Variants in OR4C16 observed in about 807,000 individuals in gnomAD.
The protein encoded by OR4C16 is olfactory receptor family 4 subfamily C member 16.
A neutral mutation model predicts 14.4 loss-of-function variants in OR4C16; 24 were observed. The observed-to-expected ratio is 1.66, with a 90% CI of 1.21 to 2.34. The LOEUF is 2.34. OR4C16 is among the 30% of genes most tolerant of loss of function. The pLI is 0.00. For synonymous variants in OR4C16, 233 were observed against 133.5 expected, an observed-to-expected ratio of 1.75 and a Z score of -5.14; for missense variants, 674 against 364.2, an observed-to-expected ratio of 1.85 and a Z score of -6.92.
Position 55,572,929 on chromosome 11 carries a change from A to G in OR4C16, c.802A>G (p.Met268Val), listed in dbSNP as rs892271508. ...TGCAACCGTATTCCCCATGGATAAG[A>G]TGATAGCTGTATTTTATACAGTTGG... ...CLATVFPMDKMIAVFYTVGTS... is the reference protein window; with the variant it reads ...CLATVFPMDKVIAVFYTVGTS... The change falls in exon 1 of 1, where the codon ATG becomes GTG. Residue 268 changes from methionine (M) to valine (V), a missense_variant. Met to Val is a conservative substitution (Grantham distance 21). Coordinates refer to ENST00000623907, the MANE Select transcript of OR4C16 (RefSeq NM_001004701.2). The G allele has an allele frequency of 1.2e-6, 2 of 1,613,476 alleles. No individual in the cohort carries two copies. The highest frequency in any genetic ancestry group is 1.7e-6 in the Non-Finnish European group (2 of 1,179,428).
chr11:55,572,712 A>C lies in OR4C16; in HGVS notation c.585A>C (p.Leu195=). Residue 195 remains leucine (L), a synonymous_variant, in exon 1 of 1, where the codon CTA becomes CTC. Coordinates refer to ENST00000623907, the MANE Select transcript of OR4C16 (RefSeq NM_001004701.2). ...QACSETYVVN[L]LLVSNSGAIC... ...GTTCAGAAACCTATGTGGTTAACCT[A>C]CTCCTGGTTTCCAATAGTGGGGCCA... 2 of 1,612,846 alleles carry C rather than the reference A, an allele frequency of 1.2e-6. No homozygotes were observed. The highest frequency in any genetic ancestry group is 1.7e-5 in the Admixed American group (1 of 59,926).
Position 55,572,376 on chromosome 11 carries a change from CCT to C in OR4C16, c.250_251del (p.Leu84PhefsTer35). 1 of 1,613,798 alleles carries C rather than the reference CCT, an allele frequency of 6.2e-7. No individual in the cohort carries two copies. Among genetic ancestry groups the C allele is most frequent in the South Asian group, 1.1e-5 (1 of 91,078 alleles). On this transcript the variant is annotated frameshift_variant, in exon 1 of 1. Transcript: ENST00000623907. LOFTEE classifies it high-confidence loss of function. ...SITPRMIVDALLKKTTISFSE... is the reference protein window; with the variant it reads ...SITPRMIVDAXLKKTTISFSE... ...TAACCCCTAGAATGATTGTGGATGCCCTTTTGAAGAAGACAACTATCTCCTTC... is the reference window on the plus strand; with the variant it reads ...TAACCCCTAGAATGATTGTGGATGCCTTTGAAGAAGACAACTATCTCCTTC...
rs755653897 is a variant in OR4C16 at position 55,573,007 on chromosome 11, A to G, written c.880A>G (p.Ser294Gly). The change falls in exon 1 of 1, where the codon AGT (serine) becomes GGT (glycine). Residue 294 changes from serine to glycine, a missense_variant. Transcript: ENST00000623907. ...IYTLKNTEVK[S>G]AMRKLWSKKL... ...CACGCTGAAGAATACAGAAGTGAAA[A>G]GTGCCATGAGGAAGCTTTGGAGCAA... 1 of 1,593,466 alleles carries G rather than the reference A, an allele frequency of 6.3e-7. No individual in the cohort carries two copies. The highest frequency in any genetic ancestry group is 2.2e-5 in the East Asian group (1 of 44,528).
Position 55,572,801 on chromosome 11 carries a change from A to G in OR4C16, c.674A>G (p.Asn225Ser). Residue 225 changes from asparagine to serine, a missense_variant, in exon 1 of 1, where the codon AAC becomes AGC. By Grantham distance (46) the Asn-to-Ser change is conservative. Coordinates refer to ENST00000623907, the MANE Select transcript of OR4C16 (RefSeq NM_001004701.2). ...SYVIFLHSLR[N>S]HSAEVIKKAL... ...GTCATCTTCTTGCATTCTCTGAGAA[A>G]CCACAGTGCTGAAGTGATAAAGAAA... 1.2e-6 allele frequency: 2 copies of G among 1,614,110 alleles called. No homozygotes were observed. Among genetic ancestry groups the G allele is most frequent in the Non-Finnish European group, 1.7e-6 (2 of 1,179,994 alleles).
Position 55,572,675 on chromosome 11 carries a change from TG to T in OR4C16, c.549del (p.Lys184AsnfsTer24). 2.5e-6 allele frequency: 4 copies of T among 1,614,160 alleles called. No individual in the cohort carries two copies. Among genetic ancestry groups the T allele is most frequent in the Non-Finnish European group, 3.4e-6 (4 of 1,180,016 alleles). On this transcript the variant is annotated frameshift_variant, in exon 1 of 1. Coordinates refer to ENST00000623907, the MANE Select transcript of OR4C16 (RefSeq NM_001004701.2). LOFTEE classifies it high-confidence loss of function. The part of the protein sequence containing the change: ...NHCFCDLQPL[L>X]KQACSETYVV... Reference sequence around the variant, plus strand: ...TGTTTCTGTGACTTGCAGCCCTTGTTGAAACAAGCCTGTTCAGAAACCTATG... The same window carrying T: ...TGTTTCTGTGACTTGCAGCCCTTGTTAAACAAGCCTGTTCAGAAACCTATG...
Position 55,572,180 on chromosome 11 carries a change from A to G in OR4C16, c.53A>G (p.Asp18Gly). ...TTCATTCTGCTTGGATTGACACAGG[A>G]TCCTTTTTGGAAGAAAATAGTGTTT... ...TEFILLGLTQ[D>G]PFWKKIVFVI... Residue 18 changes from aspartate (D) to glycine (G), a missense_variant, in exon 1 of 1, where the codon GAT (aspartate) becomes GGT (glycine). By Grantham distance (94) the Asp-to-Gly change is moderately conservative (BLOSUM62 -1). Coordinates refer to ENST00000623907, the MANE Select transcript of OR4C16 (RefSeq NM_001004701.2). 1 of 1,612,518 alleles carries G rather than the reference A, an allele frequency of 6.2e-7. No individual in the cohort carries two copies. The highest frequency in any genetic ancestry group is 8.5e-7 in the Non-Finnish European group (1 of 1,178,968).
rs372108090 is a variant in OR4C16, at chr11:55,572,354, C to T, written c.227C>T (p.Thr76Ile). 174 of 1,612,602 alleles carry T rather than the reference C, an allele frequency of 1.1e-4. No homozygotes were observed. The highest frequency in any genetic ancestry group is 4.9e-4 in the African/African-American group (37 of 74,950). The change falls in exon 1 of 1, where the codon ACC becomes ATC. Residue 76 changes from threonine (T) to isoleucine (I), a missense_variant. Coordinates refer to ENST00000623907, the MANE Select transcript of OR4C16 (RefSeq NM_001004701.2). ...LSDTCLSTSI[T>I]PRMIVDALLK... is the part of the protein sequence containing the mutation. ...GATACTTGCCTCTCTACTTCCATAACCCCTAGAATGATTGTGGATGCCCTT... is the reference window on the plus strand; with the variant it reads ...GATACTTGCCTCTCTACTTCCATAATCCCTAGAATGATTGTGGATGCCCTT...
Position 55,572,916 on chromosome 11 carries a change from C to T in OR4C16, c.789C>T (p.Phe263=), listed in dbSNP as rs201403887. Residue 263 remains phenylalanine (F), a synonymous_variant, in exon 1 of 1, where the codon TTC becomes TTT. Coordinates refer to ENST00000623907, the MANE Select transcript of OR4C16 (RefSeq NM_001004701.2). ...IFMYTCLATV[F]PMDKMIAVFY... ...TGTACACATGCCTTGCAACCGTATT[C>T]CCCATGGATAAGATGATAGCTGTAT... 2.5e-6 allele frequency: 4 copies of T among 1,613,486 alleles called. No homozygotes were observed. The highest frequency in any genetic ancestry group is 2.2e-5 in the East Asian group (1 of 44,858).
At position 55,573,011 on chromosome 11, in the gene OR4C16, C is replaced by T. The variant is rs373096483; in HGVS notation, c.884C>T (p.Ala295Val). ...CTGAAGAATACAGAAGTGAAAAGTGCCATGAGGAAGCTTTGGAGCAAGAAA... is the reference window on the plus strand; with the variant it reads ...CTGAAGAATACAGAAGTGAAAAGTGTCATGAGGAAGCTTTGGAGCAAGAAA... ...YTLKNTEVKS[A>V]MRKLWSKKLI... is the part of the protein sequence containing the mutation. Residue 295 changes from alanine to valine, a missense_variant, in exon 1 of 1, where the codon GCC becomes GTC. By Grantham distance (64) the Ala-to-Val change is moderately conservative. Coordinates refer to ENST00000623907, the MANE Select transcript of OR4C16 (RefSeq NM_001004701.2). The T allele has an allele frequency of 1.1e-5, 18 of 1,586,870 alleles. No homozygotes were observed. The East Asian group carries it at 1.3e-4, about 12-fold the overall frequency.
At position 55,572,505 on chromosome 11, in the gene OR4C16, GC is replaced by G; in HGVS notation, c.382del (p.Leu128CysfsTer4). 1.9e-6 allele frequency: 3 copies of G among 1,614,050 alleles called. No homozygotes were observed. Among genetic ancestry groups the G allele is most frequent in the Non-Finnish European group, 2.5e-6 (3 of 1,180,008 alleles). ...TTGACCGCTATGTGGACATCTGTAAGCCCCTGCACTACATGACCATCATAAG... is the reference window on the plus strand; with the variant it reads ...TTGACCGCTATGTGGACATCTGTAAGCCCTGCACTACATGACCATCATAAG... Reference protein sequence around the residue: ...AVDRYVDICKPLHYMTIISQW... With the variant: ...AVDRYVDICKXLHYMTIISQW... On this transcript the variant is annotated frameshift_variant, in exon 1 of 1. Coordinates refer to ENST00000623907, the MANE Select transcript of OR4C16 (RefSeq NM_001004701.2). LOFTEE classifies it high-confidence loss of function.
At position 55,572,174 on chromosome 11, in the gene OR4C16, C is replaced by T. The variant is rs1341297404; in HGVS notation, c.47C>T (p.Thr16Ile). ...NVTEFILLGL[T>I]QDPFWKKIVF... ...ACTGAGTTCATTCTGCTTGGATTGA[C>T]ACAGGATCCTTTTTGGAAGAAAATA... The change falls in exon 1 of 1, where the codon ACA (threonine) becomes ATA (isoleucine). Residue 16 changes from threonine (T) to isoleucine (I), a missense_variant. Thr to Ile is a moderately conservative substitution (Grantham distance 89). Transcript: ENST00000623907. 1.2e-6 allele frequency: 2 copies of T among 1,612,186 alleles called. No individual in the cohort carries two copies. The highest frequency in any genetic ancestry group is 3.3e-5 in the Admixed American group (2 of 59,950).
In OR4C16 at chr11:55,572,214, T is replaced by C. The variant is rs150491552; in HGVS notation, c.87T>C (p.Phe29=). Residue 29 remains phenylalanine (F), a synonymous_variant, in exon 1 of 1, where the codon TTT becomes TTC. Transcript: ENST00000623907. The stretch of plus-strand genomic sequence containing the variant: ...GGAAGAAAATAGTGTTTGTTATTTT[T>C]TTGCGTCTCTACTTGGGAACACTGT... The part of the protein sequence containing the change: ...PFWKKIVFVI[F]LRLYLGTLLG... The C allele has an allele frequency of 7.4e-6, 12 of 1,611,378 alleles. No individual in the cohort carries two copies. The African/African-American group carries it at 8.0e-5, about 11-fold the overall frequency.
rs768595930 is a variant in OR4C16 at position 55,572,218 on chromosome 11, C to T, written c.91C>T (p.Arg31Cys). The change falls in exon 1 of 1, where the codon CGT becomes TGT. Residue 31 changes from arginine to cysteine, a missense_variant. Coordinates refer to ENST00000623907, the MANE Select transcript of OR4C16 (RefSeq NM_001004701.2). ...GAAAATAGTGTTTGTTATTTTTTTG[C>T]GTCTCTACTTGGGAACACTGTTGGG... ...WKKIVFVIFL[R>C]LYLGTLLGNL... 1.4e-5 allele frequency: 23 copies of T among 1,609,686 alleles called. No individual in the cohort carries two copies. Among genetic ancestry groups the T allele is most frequent in the South Asian group, 5.5e-5 (5 of 90,956 alleles).
chr11:55,572,212 T>A lies in OR4C16; in HGVS notation c.85T>A (p.Phe29Ile). The A allele has an allele frequency of 1.2e-6, 2 of 1,611,648 alleles. No homozygotes were observed. The highest frequency in any genetic ancestry group is 1.7e-5 in the Admixed American group (1 of 59,982). The change falls in exon 1 of 1, where the codon TTT (phenylalanine) becomes ATT (isoleucine). Residue 29 changes from phenylalanine to isoleucine, a missense_variant. Physicochemically the swap from Phe to Ile is conservative, Grantham distance 21. Coordinates refer to ENST00000623907, the MANE Select transcript of OR4C16 (RefSeq NM_001004701.2). ...TTGGAAGAAAATAGTGTTTGTTATT[T>A]TTTTGCGTCTCTACTTGGGAACACT... ...PFWKKIVFVIFLRLYLGTLLG... is the reference protein window; with the variant it reads ...PFWKKIVFVIILRLYLGTLLG...
chr11:55,572,392 A>ACTAT lies in OR4C16; in HGVS notation c.268_271dup (p.Ser91TyrfsTer30). 1 of 1,613,900 alleles carries ACTAT rather than the reference A, an allele frequency of 6.2e-7. No individual in the cohort carries two copies. Among genetic ancestry groups the ACTAT allele is most frequent in the Non-Finnish European group, 8.5e-7 (1 of 1,179,862 alleles). ...TGTGGATGCCCTTTTGAAGAAGACAACTATCTCCTTCAGCGAGTGCATGAT... is the reference window on the plus strand; with the variant it reads ...TGTGGATGCCCTTTTGAAGAAGACAACTATCTATCTCCTTCAGCGAGTGCATGAT... On this transcript the variant is annotated frameshift_variant, in exon 1 of 1. Transcript: ENST00000623907. LOFTEE classifies it high-confidence loss of function.
rs1351437895 is a variant in OR4C16, at chr11:55,572,854, A to G, written c.727A>G (p.Ile243Val). Residue 243 changes from isoleucine to valine, a missense_variant, in exon 1 of 1, where the codon ATT becomes GTT. Coordinates refer to ENST00000623907, the MANE Select transcript of OR4C16 (RefSeq NM_001004701.2). The part of the protein sequence containing the change: ...KALSTCVSHI[I>V]VVILFFGPCI... Reference sequence around the variant, plus strand: ...ACTTTCCACATGTGTCTCCCACATCATTGTGGTCATCTTGTTCTTTGGACC... The same window carrying G: ...ACTTTCCACATGTGTCTCCCACATCGTTGTGGTCATCTTGTTCTTTGGACC... The G allele has an allele frequency of 1.9e-6, 3 of 1,613,682 alleles. No homozygotes were observed. Among genetic ancestry groups the G allele is most frequent in the African/African-American group, 2.7e-5 (2 of 74,930 alleles).
At position 55,572,322 on chromosome 11, in the gene OR4C16, C is replaced by T. The variant is rs557667; in HGVS notation, c.195C>T (p.Ser65=). The T allele has an allele frequency of 0.26, 423,138 of 1,611,950 alleles. 57,935 individuals are homozygous for T. The highest frequency in any genetic ancestry group is 0.38 in the Admixed American group (22,917 of 59,970). Residue 65 remains serine (S), a synonymous_variant, in exon 1 of 1, where the codon TCC becomes TCT. Transcript: ENST00000623907. Reference sequence around the variant, plus strand: ...TGTTCTTCTTCCTTTTCTACTTATCCTTATCTGATACTTGCCTCTCTACTT... The same window carrying T: ...TGTTCTTCTTCCTTTTCTACTTATCTTTATCTGATACTTGCCTCTCTACTT... ...NPMFFFLFYL[S]LSDTCLSTSI...
In OR4C16 at chr11:55,572,194, A is replaced by T. The variant is rs1420130059; in HGVS notation, c.67A>T (p.Lys23Ter). Residue 23 changes from lysine to a stop codon, truncating the protein, a stop_gained, in exon 1 of 1, where the codon AAA becomes TAA. Transcript: ENST00000623907. LOFTEE classifies it high-confidence loss of function. ...LGLTQDPFWK[K>*]IVFVIFLRLY... ...ATTGACACAGGATCCTTTTTGGAAGAAAATAGTGTTTGTTATTTTTTTGCG... is the reference window on the plus strand; with the variant it reads ...ATTGACACAGGATCCTTTTTGGAAGTAAATAGTGTTTGTTATTTTTTTGCG... The T allele has an allele frequency of 6.2e-7, 1 of 1,612,250 alleles. No individual in the cohort carries two copies. The highest frequency in any genetic ancestry group is 1.7e-5 in the Admixed American group (1 of 59,978).
Position 55,572,375 on chromosome 11 carries a change from C to CAAT in OR4C16, c.248_249insAAT (p.Ala83_Leu84insIle). The CAAT allele has an allele frequency of 6.2e-7, 1 of 1,613,778 alleles. No homozygotes were observed. The highest frequency in any genetic ancestry group is 1.1e-5 in the South Asian group (1 of 91,072). ...ATAACCCCTAGAATGATTGTGGATGCCCTTTTGAAGAAGACAACTATCTCC... is the reference window on the plus strand; with the variant it reads ...ATAACCCCTAGAATGATTGTGGATGCAATCCTTTTGAAGAAGACAACTATCTCC... On this transcript the variant is annotated inframe_insertion, in exon 1 of 1. Transcript: ENST00000623907.
Sources: allele counts gnomAD v4.1 joint callset, GRCh38; gene constraint gnomAD v4.1.1; transcripts MANE v1.5; gene names NCBI Gene and HGNC (gene_info 2026-07-23, HGNC 2026-07-21).